The following LRFN5 variants were observed in gnomAD, a reference collection of about 807,000 sequenced individuals.
LRFN5 encodes the protein leucine-rich repeat and fibronectin type-III domain-containing protein 5.
In LRFN5, 24 loss-of-function variants were observed where a neutral mutation model predicts 45.6. The observed-to-expected ratio is 0.53, with a 90% CI of 0.38 to 0.74. LRFN5 has a LOEUF of 0.74. LRFN5 is among the 30% of genes least tolerant of loss of function. The pLI is 0.00. For synonymous variants in LRFN5, 340 were observed against 313.8 expected (o/e 1.08, Z -0.88); for missense variants, 776 against 861.5 (o/e 0.90, Z 1.24).
At position 41,818,001 on chromosome 14, in the gene LRFN5, A is replaced by G. The variant is rs184869709; in HGVS notation, c.-21+50972A>G. ...ACATTTTGATTCTAAATCCTTTTCT[A>G]TGACTTAATGTATTTTAATGTATTT... On this transcript the variant is annotated intron_variant, in intron 2 of 5. Coordinates refer to ENST00000298119, the MANE Select transcript of LRFN5 (RefSeq NM_152447.5). 1.6e-4 allele frequency among the ~76,000 whole-genome samples: 24 copies of G among 152,234 alleles called. No individual in the cohort carries two copies. The East Asian group carries it at 3.5e-3, about 22-fold the overall frequency.
Position 41,607,864 on chromosome 14 carries a change from G to A in LRFN5, c.-895G>A, listed in dbSNP as rs1000159499. 2.0e-5 allele frequency: 3 copies of A among 152,162 alleles called. No homozygotes were observed. Among genetic ancestry groups the A allele is most frequent in the Non-Finnish European group, 4.4e-5 (3 of 68,046 alleles). 9.4% of individuals were successfully genotyped at this position (152,162 alleles called of 1,614,324 possible). A position where few individuals can be genotyped will look rare whatever the true frequency, so the allele number is the denominator to read the frequency against. ...TTGGCCAGAAGGATATTTACGTTTT[G>A]GTTCACAGCATTTGAAGCCAAAAGT... is the stretch of plus-strand genomic sequence containing the variant. On this transcript the variant is annotated 5_prime_UTR_variant, in exon 1 of 6. Transcript: ENST00000298119.
intron 2 of LRFN5, among the ~76,000 whole-genome samples, chr14:41,839,022 A>C (rs1397542111): frequency 6.6e-6 from 1 of 152,200 alleles, no homozygotes; most frequent in East Asian, 1.9e-4. Flanking sequence ...ATGCTTTTCT[A>C]TTGCTTCAGG....
intron 1 of LRFN5, among the ~76,000 whole-genome samples, chr14:41,742,358 A>G (rs569093715): frequency 6.6e-6 from 1 of 151,520 alleles, no homozygotes; most frequent in Non-Finnish European, 1.5e-5. Context: ...AGAATAATAT[A>G]CAGCCATAAA....
At position 41,887,564 on chromosome 14, in the gene LRFN5, C is replaced by A. The variant is rs754964994; in HGVS notation, c.939C>A (p.Asp313Glu). ...CACTGAGGTGCAAAGCCAGGGGAGA[C>A]CCTGAGCCTGCAATTCACTGGATTT... ...RATLRCKARG[D>E]PEPAIHWISP... Residue 313 changes from aspartate (D) to glutamate (E), a missense_variant, in exon 3 of 6, where the codon GAC becomes GAA. Transcript: ENST00000298119. This position sits in a 1 kb window ranked among gnomAD's most constrained non-coding sequence, Gnocchi z 4.8. 4.3e-6 allele frequency: 7 copies of A among 1,614,060 alleles called. No individual in the cohort carries two copies. Among genetic ancestry groups the A allele is most frequent in the Admixed American group, 1.7e-5 (1 of 60,002 alleles).
At chr14:41,655,725 G>A (rs1022878887) in intron 1 of LRFN5, among the ~76,000 whole-genome samples, 2 of 151,988 alleles carry the variant, frequency 1.3e-5, no homozygotes, top group African/African-American at 4.8e-5. Context: ...ATGTGATGTA[G>A]GCAGTGGGAG....
chr14:41,881,016 T>C (rs1214595395), intron 2 of LRFN5, among the ~76,000 whole-genome samples: 1 of 152,230 alleles, frequency 6.6e-6, no homozygotes, highest in Non-Finnish European at 1.5e-5. Flanking sequence ...AACGTGTATT[T>C]TTCTAAATGC....
chr14:41,689,225 G>A (rs1430871321), intron 1 of LRFN5, among the ~76,000 whole-genome samples: 1 of 151,928 alleles, frequency 6.6e-6, no homozygotes. Flanking sequence ...ATTGAACACG[G>A]CAAATAGTTG....
rs2139152825 is a variant in LRFN5 at position 41,887,451 on chromosome 14, T to A, written c.826T>A (p.Ser276Thr). The A allele has an allele frequency of 6.2e-7, 1 of 1,614,190 alleles. No individual in the cohort carries two copies. Among genetic ancestry groups the A allele is most frequent in the Non-Finnish European group, 8.5e-7 (1 of 1,180,038 alleles). Residue 276 changes from serine to threonine, a missense_variant, in exon 3 of 6, where the codon TCA becomes ACA. Ser to Thr is a moderately conservative substitution (Grantham distance 58). Around this residue, in one of 2 missense-constraint regions of LRFN5, gnomAD observed 311 missense variants for 405.1 expected, o/e 0.77. Transcript: ENST00000298119. This position sits in a 1 kb window ranked among gnomAD's most constrained non-coding sequence, Gnocchi z 4.8. ...ACTTTTAACTGGCCGCTACTTTTGG[T>A]CAATTCCTGAAGAAGAGTTTTTGTG... The part of the protein sequence containing the change: ...PPLLTGRYFW[S>T]IPEEEFLCEP...
chr14:41,901,114 A>G (rs1014164040), intron 5 of LRFN5, among the ~76,000 whole-genome samples: 23 of 151,964 alleles, frequency 1.5e-4, no homozygotes, highest in African/African-American at 5.6e-4. Flanking sequence ...ATATTTTAAT[A>G]TCTAATATAT....
chr14:41,829,715 TATTA>T (rs139108717), intron 2 of LRFN5, among the ~76,000 whole-genome samples: 42,289 of 151,560 alleles, frequency 0.28, 6,146 homozygotes, highest in Middle Eastern at 0.37. Flanking sequence ...CTTACCTTTT[TATTA>T]ATTAAACTAT....
intron 4 of LRFN5, chr14:41,894,536 A>G (rs11848944): frequency 0.68 from 652,802 of 956,412 alleles, 223,397 homozygotes; most frequent in Middle Eastern, 0.82. Context: ...TCTATATTTT[A>G]AGAGATTAAC....
At chr14:41,807,291 A>G (rs572613233) in intron 2 of LRFN5, among the ~76,000 whole-genome samples, 1 of 152,108 alleles carries the variant, frequency 6.6e-6, no homozygotes. Flanking sequence ...TTAGCTCAAC[A>G]TAATATGATC....
chr14:41,785,014 T>A (rs1259859461), intron 2 of LRFN5, among the ~76,000 whole-genome samples: 2 of 152,124 alleles, frequency 1.3e-5, no homozygotes, highest in African/African-American at 2.4e-5. Context: ...ATGAAATACA[T>A]CTCAATCCTG....
At chr14:41,896,641 G>C (rs1022857) in intron 4 of LRFN5, among the ~76,000 whole-genome samples, 1 of 151,866 alleles carries the variant, frequency 6.6e-6, no homozygotes, top group Non-Finnish European at 1.5e-5. Context: ...TACTTTCAAA[G>C]GACAGATTGC....
intron 2 of LRFN5, among the ~76,000 whole-genome samples, chr14:41,808,559 A>C (rs201109278): frequency 1.6e-5 from 1 of 61,408 alleles, no homozygotes; most frequent in African/African-American, 6.4e-5. Context: ...TGAAGGAAGG[A>C]AGGAAGGAAG....
intron 2 of LRFN5, among the ~76,000 whole-genome samples, chr14:41,842,325 A>G (rs1888891131): frequency 6.6e-6 from 1 of 152,140 alleles, no homozygotes; most frequent in Non-Finnish European, 1.5e-5. Context: ...GACAAGCATC[A>G]TTGTAGGTTA....
intron 2 of LRFN5, among the ~76,000 whole-genome samples, chr14:41,845,075 G>T (rs920089177): frequency 1.3e-5 from 2 of 152,006 alleles, no homozygotes; most frequent in Non-Finnish European, 2.9e-5. Flanking sequence ...AAATGAACGT[G>T]CACAATTTTA....
At chr14:41,863,972 T>C (rs926696431) in intron 2 of LRFN5, among the ~76,000 whole-genome samples, 21 of 152,174 alleles carry the variant, frequency 1.4e-4, no homozygotes, top group Non-Finnish European at 2.4e-4. Context: ...CTGAGAATGA[T>C]GGTTTCCAGC....
rs1289232293 is a variant in LRFN5 at position 41,887,876 on chromosome 14, T to C, written c.1251T>C (p.Ser417=). The change falls in exon 3 of 6, where the codon AGT becomes AGC. Residue 417 remains serine (S), a synonymous_variant. Transcript: ENST00000298119. This position sits in a 1 kb window ranked among gnomAD's most constrained non-coding sequence, Gnocchi z 4.8. The part of the protein sequence containing the change: ...TSSSNGDTKL[S]QDKIVVAEAT... ...GTAGTAATGGTGATACTAAATTGAG[T>C]CAAGATAAAATTGTGGTGGCAGAAG... 4 of 1,614,032 alleles carry C rather than the reference T, an allele frequency of 2.5e-6. No homozygotes were observed. The South Asian group carries it at 3.3e-5, about 13-fold the overall frequency.
Sources: gnomAD v4.1 joint callset for allele counts (sites outside exome capture counted in the v4.1 genomes callset) on GRCh38, gnomAD v4.1.1 for gene constraint, gnomAD v4.1.1 regional missense constraint, Gnocchi (gnomAD v3.1) non-coding constraint, MANE v1.5 for transcripts, NCBI Gene and HGNC (gene_info 2026-07-23, HGNC 2026-07-21) for gene names.